The following PTPN13 variants were observed in gnomAD, a reference collection of about 807,000 sequenced individuals.
The protein encoded by PTPN13 is protein tyrosine phosphatase non-receptor type 13.
Under a neutral mutation model 284.0 loss-of-function variants are expected in PTPN13, and 191 were observed. That is an observed-to-expected ratio of 0.67 (90% CI 0.60 to 0.76). The LOEUF (loss-of-function observed/expected upper bound fraction) is 0.76. Among genes scored for constraint, PTPN13 ranks in the 30% least tolerant of loss-of-function variants. The pLI, the probability that PTPN13 is intolerant of heterozygous loss-of-function variation, is 0.00. For missense variants in PTPN13, 2,797 were observed against 2,939.9 expected (o/e 0.95, Z 1.12); for synonymous variants, 986 against 1,022.3 (o/e 0.96, Z 0.68).
In PTPN13 at chr4:86,722,335, A is replaced by T; in HGVS notation, c.1509A>T (p.Leu503=). Residue 503 remains leucine, a synonymous_variant, in exon 10 of 48, where the codon CTA becomes CTT. Transcript: ENST00000411767. Reference sequence around the variant, plus strand: ...CCCTTAGACAGTCTCGGTTGAGCCTATATCCAGGAGACACAATCAAAGCGT... The same window carrying T: ...CCCTTAGACAGTCTCGGTTGAGCCTTTATCCAGGAGACACAATCAAAGCGT... ...KMALRQSRLS[L]YPGDTIKASM... 6.2e-7 allele frequency: 1 copy of T among 1,613,844 alleles called. No homozygotes were observed. Among genetic ancestry groups the T allele is most frequent in the Non-Finnish European group, 8.5e-7 (1 of 1,179,796 alleles).
intron 2 of PTPN13, among the ~76,000 whole-genome samples, chr4:86,641,927 T>G (rs1344338834): frequency 6.6e-6 from 1 of 152,228 alleles, no homozygotes; most frequent in Non-Finnish European, 1.5e-5. Flanking sequence ...TTAAACTTTA[T>G]TAGTCTGTAT....
At chr4:86,767,553 T>C (rs1739475244) in intron 27 of PTPN13, among the ~76,000 whole-genome samples, 1 of 152,106 alleles carries the variant, frequency 6.6e-6, no homozygotes, top group Non-Finnish European at 1.5e-5. Flanking sequence ...GCCATTATCA[T>C]ACATTTCTAA....
rs180731904 is a variant in PTPN13 at position 86,730,620 on chromosome 4, G to A, written c.1609-1780G>A. Among the ~76,000 whole-genome samples the A allele has an allele frequency of 1.2e-3, 180 of 149,956 alleles. 11 individuals carry two copies. Among genetic ancestry groups the A allele is most frequent in the African/African-American group, 4.2e-3 (172 of 41,220 alleles). On this transcript the variant is annotated intron_variant, in intron 10 of 47. Coordinates refer to ENST00000411767, the MANE Select transcript of PTPN13 (RefSeq NM_080683.3). ...GTGTGGGACCTGCTGAGCCAGGAACGGGAGAAAATCTGGTCTGCCACTTGC... is the reference window on the plus strand; with the variant it reads ...GTGTGGGACCTGCTGAGCCAGGAACAGGAGAAAATCTGGTCTGCCACTTGC...
intron 2 of PTPN13, among the ~76,000 whole-genome samples, chr4:86,653,849 G>A (rs1267530323): frequency 6.6e-6 from 1 of 152,120 alleles, no homozygotes; most frequent in Non-Finnish European, 1.5e-5. Flanking sequence ...ACATTGAAAA[G>A]CAGAGCTTTA....
chr4:86,742,348 T>C (rs753765230), intron 16 of PTPN13, among the ~76,000 whole-genome samples: 11 of 152,190 alleles, frequency 7.2e-5, no homozygotes, highest in Admixed American at 1.3e-4. Flanking sequence ...GAAAATAATA[T>C]GTTTATGGAA....
intron 1 of PTPN13, among the ~76,000 whole-genome samples, chr4:86,605,380 C>G (rs996014490): frequency 2.0e-5 from 3 of 151,850 alleles, no homozygotes; most frequent in Non-Finnish European, 4.4e-5. Context: ...TATGAGGATT[C>G]ATAGGGTCAG....
chr4:86,809,959 TGGGA>T lies in PTPN13; in HGVS notation c.7275_7278del (p.Gly2426Ter). On this transcript the variant is annotated frameshift_variant, in exon 46 of 48. Coordinates refer to ENST00000411767, the MANE Select transcript of PTPN13 (RefSeq NM_080683.3). LOFTEE classifies it high-confidence loss of function. ...ACCCTGATTTGCATAGATGTGGTTC[TGGGA>T]TTAATCAGTCAGGATCTTGATGTGA... 6.2e-7 allele frequency: 1 copy of T among 1,613,948 alleles called. No homozygotes were observed. The highest frequency in any genetic ancestry group is 8.5e-7 in the Non-Finnish European group (1 of 1,179,864).
intron 27 of PTPN13, 149 bp from the exon 28 acceptor site, chr4:86,767,668 C>T (rs113100074): frequency 1.2e-5 from 7 of 575,360 alleles, no homozygotes; most frequent in African/African-American, 3.8e-5. Context: ...TTTTGTTCCT[C>T]TATTTTTTTT....
intron 6 of PTPN13, among the ~76,000 whole-genome samples, chr4:86,696,403 T>C (rs1730600820): frequency 6.6e-6 from 1 of 151,986 alleles, no homozygotes. Flanking sequence ...CTATGGTTTA[T>C]TTATTTAGCC....
rs373503388 is a variant in PTPN13 at position 86,803,767 on chromosome 4, C to T, written c.6564C>T (p.Pro2188=). 77 of 1,613,904 alleles carry T rather than the reference C, an allele frequency of 4.8e-5. No individual in the cohort carries two copies. In the African/African-American group the frequency reaches 8.7e-4, roughly 18 times the overall value. The change falls in exon 43 of 48, where the codon CCC becomes CCT. Residue 2188 remains proline, a synonymous_variant. Coordinates refer to ENST00000411767, the MANE Select transcript of PTPN13 (RefSeq NM_080683.3). ...TACTCCCTGTCGTCAAAGTGCTTCC[C>T]TCTGGTAAATACACGGGTGCCAACT... ...LAVLPVVKVL[P]SGKYTGANLK...
At chr4:86,598,289 C>T (rs553603087) in intron 1 of PTPN13, among the ~76,000 whole-genome samples, 82 of 152,006 alleles carry the variant, frequency 5.4e-4, no homozygotes, top group African/African-American at 1.9e-3. Flanking sequence ...GGATTACAGG[C>T]GTGTGCTACC....
At chr4:86,735,459 A>G in intron 14 of PTPN13, 135 bp from the exon 15 acceptor site, 1 of 897,916 alleles carries the variant, frequency 1.1e-6, no homozygotes, top group African/African-American at 1.7e-5. Context: ...TTCTTCTAAA[A>G]CTCATTCCTC....
At chr4:86,621,905 A>T (rs1721298025) in intron 1 of PTPN13, among the ~76,000 whole-genome samples, 1 of 152,114 alleles carries the variant, frequency 6.6e-6, no homozygotes, top group African/African-American at 2.4e-5. Context: ...AATAAAAGTC[A>T]GTAGCAATAA....
At chr4:86,727,076 G>C (rs960548742) in intron 10 of PTPN13, among the ~76,000 whole-genome samples, 2 of 149,514 alleles carry the variant, frequency 1.3e-5, no homozygotes, top group Non-Finnish European at 3.0e-5. Context: ...ATAATCATGT[G>C]GTTTTTGTAG....
At position 86,750,583 on chromosome 4, in the gene PTPN13, G is replaced by A. The variant is rs1448882824; in HGVS notation, c.2764G>A (p.Val922Ile). The A allele has an allele frequency of 6.2e-7, 1 of 1,613,938 alleles. No individual in the cohort carries two copies. The highest frequency in any genetic ancestry group is 1.3e-5 in the African/African-American group (1 of 75,032). Reference protein sequence around the residue: ...LASSTLNKLAVRPLSVQAEIL... With the variant: ...LASSTLNKLAIRPLSVQAEIL... ...CAGCAGCACCCTCAACAAACTTGCT[G>A]TTCGACCTTTATCAGTTCAAGCTGA... is the stretch of plus-strand genomic sequence containing the variant. Residue 922 changes from valine (V) to isoleucine (I), a missense_variant, in exon 18 of 48, where the codon GTT (valine) becomes ATT (isoleucine). By Grantham distance (29) the Val-to-Ile change is conservative. Coordinates refer to ENST00000411767, the MANE Select transcript of PTPN13 (RefSeq NM_080683.3).
chr4:86,635,987 T>TCA (rs1180550962), intron 2 of PTPN13, among the ~76,000 whole-genome samples: 1 of 151,520 alleles, frequency 6.6e-6, no homozygotes, highest in Admixed American at 6.6e-5. Flanking sequence ...ACACACACAC[T>TCA]CACACACGAA....
At chr4:86,646,314 T>A (rs1039440649) in intron 2 of PTPN13, among the ~76,000 whole-genome samples, 18 of 143,696 alleles carry the variant, frequency 1.3e-4, no homozygotes, top group Non-Finnish European at 2.3e-4. Flanking sequence ...TTTTTTTTTT[T>A]AAAGACAGAA....
chr4:86,764,516 A>T (rs1739058190), intron 24 of PTPN13, 77 bp from the exon 25 acceptor site: 1 of 1,161,312 alleles, frequency 8.6e-7, no homozygotes, highest in Non-Finnish European at 1.2e-6. Flanking sequence ...GGTTTAAAAA[A>T]AAAGAAATTA....
At chr4:86,738,605 G>T (rs1375279300) in intron 15 of PTPN13, among the ~76,000 whole-genome samples, 1 of 152,018 alleles carries the variant, frequency 6.6e-6, no homozygotes, top group Non-Finnish European at 1.5e-5. Flanking sequence ...AAATATTCTG[G>T]ATACAAGTCT....
Sources: gnomAD v4.1 joint callset for allele counts (sites outside exome capture counted in the v4.1 genomes callset) on GRCh38, gnomAD v4.1.1 for gene constraint, MANE v1.5 for transcripts, NCBI Gene and HGNC (gene_info 2026-07-23, HGNC 2026-07-21) for gene names.